SORCS1: variants seen among roughly 807,000 people sequenced by gnomAD.
The protein encoded by SORCS1 is sortilin related VPS10 domain containing receptor 1.
Under a neutral mutation model 146.1 loss-of-function variants are expected in SORCS1, and 60 were observed. The observed-to-expected ratio is 0.41, with a 90% CI of 0.33 to 0.51. SORCS1 has a LOEUF of 0.51. Ranked by LOEUF, SORCS1 falls within the 20% of genes least tolerant of loss-of-function variation. The probability of loss-of-function intolerance (pLI) is 0.21; values close to 1 mark genes in which losing one functional copy is unlikely to be tolerated. For missense variants in SORCS1, 1,352 were observed against 1,487.6 expected (o/e 0.91, Z 1.50); for synonymous variants, 637 against 584.0 (o/e 1.09, Z -1.31).
rs529283891 is a variant in SORCS1, at chr10:106,739,466, C to CAG, written c.960-9354_960-9353dup. On this transcript the variant is annotated intron_variant, in intron 5 of 25. Transcript: ENST00000263054. ...CACCACTGCACTCCAGTCTGGGTGACAGAGAGAGAGAGACTGTCTCAAAAA... is the reference window on the plus strand; with the variant it reads ...CACCACTGCACTCCAGTCTGGGTGACAGAGAGAGAGAGAGACTGTCTCAAAAA... 2.9e-3 allele frequency among the ~76,000 whole-genome samples: 410 copies of CAG among 143,530 alleles called. 2 individuals are homozygous for CAG. The highest frequency in any genetic ancestry group is 8.3e-3 in the African/African-American group (322 of 38,824). 94.2% of individuals were successfully genotyped at this position (143,530 alleles called of 152,430 possible). A position where few individuals can be genotyped will look rare whatever the true frequency, so the allele number is the denominator to read the frequency against.
At chr10:107,121,928 A>G (rs548425222) in intron 1 of SORCS1, among the ~76,000 whole-genome samples, 2 of 152,316 alleles carry the variant, frequency 1.3e-5, no homozygotes, top group South Asian at 4.1e-4. Flanking sequence ...TATTTATTAT[A>G]TAATAATACA....
chr10:106,603,783 A>G (rs1242680057), intron 23 of SORCS1, among the ~76,000 whole-genome samples: 1 of 152,196 alleles, frequency 6.6e-6, no homozygotes, highest in African/African-American at 2.4e-5. Context: ...TGTATAATTT[A>G]TGATACCAGA....
At chr10:107,057,231 T>C (rs1043901549) in intron 1 of SORCS1, among the ~76,000 whole-genome samples, 2 of 151,996 alleles carry the variant, frequency 1.3e-5, no homozygotes, top group African/African-American at 4.8e-5. Flanking sequence ...AGAAAAAAAA[T>C]TATTCATAAA....
chr10:106,900,040 A>G (rs1951643463), intron 2 of SORCS1, among the ~76,000 whole-genome samples: 2 of 152,020 alleles, frequency 1.3e-5, no homozygotes, highest in Admixed American at 1.3e-4. Context: ...CTCAAACCTC[A>G]GAAAAGAAGC....
intron 1 of SORCS1, among the ~76,000 whole-genome samples, chr10:107,143,644 C>G (rs1968035417): frequency 6.6e-6 from 1 of 152,118 alleles, no homozygotes; most frequent in Admixed American, 6.6e-5. Flanking sequence ...GCTGGGATTA[C>G]AGGCACGCGC....
chr10:106,980,225 G>C (rs1263358704), intron 1 of SORCS1, among the ~76,000 whole-genome samples: 1 of 152,162 alleles, frequency 6.6e-6, no homozygotes, highest in Non-Finnish European at 1.5e-5. Context: ...CCATTTCCAT[G>C]GGTTATGCCC....
chr10:106,629,487 A>G (rs1213263044), intron 18 of SORCS1, 99 bp from the exon 19 acceptor site: 7 of 1,281,560 alleles, frequency 5.5e-6, no homozygotes, highest in African/African-American at 4.4e-5. Flanking sequence ...TGGCTCAGGC[A>G]TGATGGCAGC....
At chr10:106,885,904 G>T (rs941846703) in intron 2 of SORCS1, among the ~76,000 whole-genome samples, 1 of 152,038 alleles carries the variant, frequency 6.6e-6, no homozygotes, top group African/African-American at 2.4e-5. Context: ...CACATAAGAC[G>T]TGCCTTTCAC....
intron 1 of SORCS1, among the ~76,000 whole-genome samples, chr10:107,119,783 C>T (rs1051437192): frequency 5.3e-5 from 8 of 152,058 alleles, no homozygotes; most frequent in African/African-American, 1.9e-4. Flanking sequence ...TTTCTGAGGA[C>T]TAAACAAGTA....
chr10:106,977,934 GAT>G (rs1389196715), intron 1 of SORCS1, among the ~76,000 whole-genome samples: 3 of 152,190 alleles, frequency 2.0e-5, no homozygotes, highest in African/African-American at 7.2e-5. Context: ...GAGTGCGCAT[GAT>G]ATGTTTGTGG....
intron 2 of SORCS1, among the ~76,000 whole-genome samples, chr10:106,868,187 C>T (rs750731538): frequency 7.9e-5 from 12 of 151,884 alleles, no homozygotes; most frequent in Non-Finnish European, 1.5e-4. Context: ...ACAGGAGTAC[C>T]CAGATTTATA....
intron 25 of SORCS1, chr10:106,579,153 G>A: frequency 6.2e-7 from 1 of 1,614,106 alleles, no homozygotes; most frequent in Non-Finnish European, 8.5e-7. Context: ...TTCAGTCTGA[G>A]GGACATTGGG....
At chr10:106,580,936 C>T (rs963544146) in intron 24 of SORCS1, among the ~76,000 whole-genome samples, 14 of 152,162 alleles carry the variant, frequency 9.2e-5, no homozygotes, top group African/African-American at 3.4e-4. Flanking sequence ...TTTCTCTCCC[C>T]TGTAAGTCAA....
intron 2 of SORCS1, among the ~76,000 whole-genome samples, chr10:106,885,704 A>C (rs1268950687): frequency 1.3e-5 from 2 of 152,082 alleles, no homozygotes; most frequent in African/African-American, 2.4e-5. Context: ...GTCCCCCCCC[A>C]AATCTCATCT....
chr10:107,126,161 T>C (rs900929246), intron 1 of SORCS1, among the ~76,000 whole-genome samples: 1 of 152,184 alleles, frequency 6.6e-6, no homozygotes, highest in Non-Finnish European at 1.5e-5. Context: ...ATAATCCTTT[T>C]CATTTTAGGC....
intron 1 of SORCS1, among the ~76,000 whole-genome samples, chr10:107,146,664 A>G (rs7915226): frequency 6.6e-6 from 1 of 152,156 alleles, no homozygotes; most frequent in Non-Finnish European, 1.5e-5. Context: ...TAAACGCAGT[A>G]GAATATAGTG....
chr10:106,607,581 G>C (rs1846693837), intron 22 of SORCS1, among the ~76,000 whole-genome samples: 1 of 152,144 alleles, frequency 6.6e-6, no homozygotes, highest in East Asian at 1.9e-4. Context: ...ATAGAAGACA[G>C]GACAGTTGCA....
Position 107,080,437 on chromosome 10 carries a change from T to C in SORCS1, c.558+83532A>G, listed in dbSNP as rs571252513. Among the ~76,000 whole-genome samples, 8 of 152,252 alleles carry C rather than the reference T, an allele frequency of 5.3e-5. No individual in the cohort carries two copies. The South Asian group carries it at 1.7e-3, about 32-fold the overall frequency. The stretch of plus-strand genomic sequence containing the variant: ...AACAATACTTTGAATTTAAAGACAA[T>C]TTTTGTCCTCAGGTTAAAAAAATCT... On this transcript the variant is annotated intron_variant, in intron 1 of 25. Transcript: ENST00000263054.
At chr10:106,703,506 G>A (rs1854282790) in intron 8 of SORCS1, among the ~76,000 whole-genome samples, 1 of 152,202 alleles carries the variant, frequency 6.6e-6, no homozygotes, top group Non-Finnish European at 1.5e-5. Flanking sequence ...TCCCCTGTCT[G>A]GAGGGCCACA....
Sources: allele counts gnomAD v4.1 joint callset (sites outside exome capture counted in the v4.1 genomes callset), GRCh38; gene constraint gnomAD v4.1.1; transcripts MANE v1.5; gene names NCBI Gene and HGNC (gene_info 2026-07-23, HGNC 2026-07-21).